The following DLG1 variants were observed in gnomAD, a reference collection of about 807,000 sequenced individuals.
DLG1 encodes discs large MAGUK scaffold protein 1, also known as disks large homolog 1.
Under a neutral mutation model 123.4 loss-of-function variants are expected in DLG1, and 42 were observed. The observed-to-expected ratio is 0.34, with a 90% confidence interval of 0.27 to 0.44. The LOEUF is 0.44. Ranked by LOEUF, DLG1 falls within the 20% of genes least tolerant of loss-of-function variation. DLG1 has a pLI of 1.00. For synonymous variants in DLG1, 317 were observed against 356.2 expected (o/e 0.89, Z 1.24); for missense variants, 942 against 1,082.6 (o/e 0.87, Z 1.82).
At chr3:197,095,569 C>T (rs1760178706) in intron 14 of DLG1, among the ~76,000 whole-genome samples, 1 of 151,982 alleles carries the variant, frequency 6.6e-6, no homozygotes, top group South Asian at 2.1e-4. Context: ...TATGTTCTAC[C>T]CAATACATCT....
intron 14 of DLG1, among the ~76,000 whole-genome samples, chr3:197,102,882 T>C (rs1300530220): frequency 1.3e-5 from 2 of 152,158 alleles, no homozygotes; most frequent in African/African-American, 4.8e-5. Context: ...AAATTACTTA[T>C]TACTTTGCTA....
chr3:197,081,445 T>C (rs990615238), intron 16 of DLG1, among the ~76,000 whole-genome samples: 4 of 152,224 alleles, frequency 2.6e-5, no homozygotes, highest in African/African-American at 7.2e-5. Context: ...TGTTTTTAAG[T>C]ATTAGCTTAG....
intron 12 of DLG1, among the ~76,000 whole-genome samples, chr3:197,116,843 A>ATGAAGCCTATTTTATT (rs1385724352): frequency 1.3e-5 from 2 of 152,158 alleles, no homozygotes; most frequent in Admixed American, 6.5e-5. Context: ...CAGGCTTTTT[A>ATGAAGCCTATTTTATT]TATGAAATAA....
upstream of DLG1, among the ~76,000 whole-genome samples, chr3:197,298,786 C>T (rs530777646): frequency 6.6e-6 from 1 of 151,986 alleles, no homozygotes; most frequent in Non-Finnish European, 1.5e-5. Context: ...TAGTAATAGG[C>T]TTGGGGGGAG....
chr3:197,145,050 C>CTG (rs1790029808), intron 6 of DLG1, among the ~76,000 whole-genome samples: 1 of 142,900 alleles, frequency 7.0e-6, no homozygotes, highest in Admixed American at 7.3e-5. Context: ...CTCTCTCTCT[C>CTG]TCTCTCACAC....
intron 5 of DLG1, among the ~76,000 whole-genome samples, chr3:197,191,009 C>A (rs1719158778): frequency 6.6e-6 from 1 of 152,064 alleles, no homozygotes; most frequent in Non-Finnish European, 1.5e-5. Context: ...GACTTCAACT[C>A]AAACAAAACA....
At chr3:197,269,313 A>C (rs994233400) in intron 4 of DLG1, among the ~76,000 whole-genome samples, 5 of 152,160 alleles carry the variant, frequency 3.3e-5, no homozygotes, top group African/African-American at 1.2e-4. Flanking sequence ...AGGAGATATA[A>C]ATTTCTCAGC....
At chr3:197,179,866 C>G (rs1809194491) in intron 5 of DLG1, among the ~76,000 whole-genome samples, 1 of 152,048 alleles carries the variant, frequency 6.6e-6, no homozygotes, top group Non-Finnish European at 1.5e-5. Context: ...TCCACACAGG[C>G]ACTTGAACAA....
chr3:197,094,469 T>C (rs565108256), intron 14 of DLG1, among the ~76,000 whole-genome samples: 2 of 152,346 alleles, frequency 1.3e-5, no homozygotes, highest in South Asian at 2.1e-4. Flanking sequence ...CCAGATTGGA[T>C]TGGAAATACT....
intron 17 of DLG1, among the ~76,000 whole-genome samples, chr3:197,077,470 T>G (rs911353879): frequency 1.3e-5 from 2 of 151,570 alleles, no homozygotes; most frequent in African/African-American, 4.8e-5. Context: ...CAGTACTGAC[T>G]TATTTATTCT....
chr3:197,221,056 A>C (rs913071416), intron 4 of DLG1, among the ~76,000 whole-genome samples: 7 of 152,232 alleles, frequency 4.6e-5, no homozygotes, highest in African/African-American at 1.7e-4. Context: ...AGAATATCTT[A>C]AGTTACCTAT....
At chr3:197,051,481 T>G in intron 24 of DLG1, 96 bp downstream of exon 24, 1 of 908,206 alleles carries the variant, frequency 1.1e-6, no homozygotes, top group Non-Finnish European at 1.8e-6. Context: ...TACGGGTAGA[T>G]GTAGGCATAG....
intron 4 of DLG1, among the ~76,000 whole-genome samples, chr3:197,214,775 G>A (rs1021212417): frequency 2.0e-5 from 3 of 152,068 alleles, no homozygotes; most frequent in African/African-American, 7.2e-5. Context: ...TTTAAAAAAC[G>A]AAAAAGAAAA....
chr3:197,095,008 T>C (rs898032112), intron 14 of DLG1, among the ~76,000 whole-genome samples: 1 of 152,250 alleles, frequency 6.6e-6, no homozygotes, highest in Admixed American at 6.5e-5. Context: ...TCTATGCATT[T>C]TCTAGCATTG....
At chr3:197,171,062 C>T (rs1444679405) in intron 5 of DLG1, among the ~76,000 whole-genome samples, 1 of 151,942 alleles carries the variant, frequency 6.6e-6, no homozygotes, top group Non-Finnish European at 1.5e-5. Context: ...AATTAATATT[C>T]CTAATCTAAG....
At chr3:197,289,592 T>C (rs187583495) in intron 3 of DLG1, among the ~76,000 whole-genome samples, 20 of 152,292 alleles carry the variant, frequency 1.3e-4, no homozygotes, top group African/African-American at 4.6e-4. Flanking sequence ...AAAAATTCTA[T>C]CAGTTCATTT....
intron 18 of DLG1, chr3:197,071,053 G>C (rs1314459505): frequency 6.6e-6 from 1 of 151,972 alleles, no homozygotes; most frequent in African/African-American, 2.4e-5. Flanking sequence ...CAACAATTAT[G>C]AATGTCTTCA....
chr3:197,177,653 T>G (rs1807842887), intron 5 of DLG1, among the ~76,000 whole-genome samples: 1 of 152,146 alleles, frequency 6.6e-6, no homozygotes, highest in Admixed American at 6.6e-5. Flanking sequence ...TGACCCCATA[T>G]GCCTCTATTT....
chr3:197,210,875 A>G (rs1730944040), intron 4 of DLG1, among the ~76,000 whole-genome samples: 1 of 145,684 alleles, frequency 6.9e-6, no homozygotes, highest in African/African-American at 2.4e-5. Flanking sequence ...GAAAAAAGAA[A>G]ATGACACAAA....
Sources: gnomAD v4.1 joint callset for allele counts (sites outside exome capture counted in the v4.1 genomes callset) on GRCh38, gnomAD v4.1.1 for gene constraint, MANE v1.5 for transcripts, NCBI Gene and HGNC (gene_info 2026-07-23, HGNC 2026-07-21) for gene names.